The following MRM1 variants were observed in gnomAD, a reference collection of about 807,000 sequenced individuals.
MRM1 encodes mitochondrial rRNA methyltransferase 1, also known as rRNA methyltransferase 1, mitochondrial.
A neutral mutation model predicts 25.0 loss-of-function variants in MRM1; 24 were observed. The ratio of observed to expected loss-of-function variants is 0.96; its 90% confidence interval spans 0.69 to 1.35. The LOEUF is 1.35. MRM1 is among the 40% of genes most tolerant of loss of function. The probability of loss-of-function intolerance (pLI) is 0.00; values close to 1 mark genes in which losing one functional copy is unlikely to be tolerated. For missense variants in MRM1, 431 were observed against 464.1 expected, an observed-to-expected ratio of 0.93 and a Z score of 0.65; for synonymous variants, 188 against 199.2, an observed-to-expected ratio of 0.94 and a Z score of 0.47.
chr17:36,601,752 C>T lies in MRM1; in HGVS notation c.-59C>T. ...GGGAGCCTGGGAGCGAACTGCGGCG[C>T]GGGTTACCGCTCCCGGGGACGCAGC... On this transcript the variant is annotated 5_prime_UTR_variant, in exon 1 of 5. Transcript: ENST00000614766. 6.7e-7 allele frequency: 1 copy of T among 1,487,396 alleles called. No individual in the cohort carries two copies. Among genetic ancestry groups the T allele is most frequent in the Non-Finnish European group, 8.9e-7 (1 of 1,121,424 alleles). The allele number at this position is 1,487,396 out of a possible 1,614,324, so 92.1% of individuals were successfully genotyped here.
chr17:36,620,483 C>G, the MRM1 span, among the ~76,000 whole-genome samples: 1 of 152,142 alleles, frequency 6.6e-6, no homozygotes, highest in Non-Finnish European at 1.5e-5. Flanking sequence ...GTAGGAGGCC[C>G]AGGGAGGCAA....
At chr17:36,616,153 G>T in the MRM1 span, among the ~76,000 whole-genome samples, 3 of 152,282 alleles carry the variant, frequency 2.0e-5, no homozygotes, top group South Asian at 4.1e-4. Flanking sequence ...GTATTCCCAG[G>T]TCCCACCACA....
chr17:36,622,573 A>C, the MRM1 span, among the ~76,000 whole-genome samples: 1 of 134,098 alleles, frequency 7.5e-6, no homozygotes, highest in Admixed American at 7.0e-5. Context: ...CTCCGTCTCA[A>C]AAAAAAAAAA....
intron 2 of MRM1, among the ~76,000 whole-genome samples, chr17:36,606,730 C>T (rs1489968613): frequency 6.6e-6 from 1 of 151,678 alleles, no homozygotes; most frequent in African/African-American, 2.4e-5. Context: ...CCCTCAGACT[C>T]CCAAATAGCT....
At chr17:36,629,069 G>A in the MRM1 span, among the ~76,000 whole-genome samples, 3 of 152,140 alleles carry the variant, frequency 2.0e-5, no homozygotes, top group African/African-American at 7.2e-5. Flanking sequence ...GTTCTTTGAG[G>A]CTCTTGTTTA....
At chr17:36,625,459 C>CT in the MRM1 span, among the ~76,000 whole-genome samples, 16,036 of 87,172 alleles carry the variant, frequency 0.18, 1,518 homozygotes, top group Admixed American at 0.34. Flanking sequence ...TCTCCTCCTC[C>CT]TCCTTTTTTT....
Position 36,602,898 on chromosome 17 carries a change from A to G in MRM1, c.636+252A>G. 2.0e-6 allele frequency: 2 copies of G among 980,572 alleles called. No homozygotes were observed. The highest frequency in any genetic ancestry group is 2.4e-6 in the Non-Finnish European group (2 of 825,608). The allele number at this position is 980,572 out of a possible 1,614,324, so 60.7% of individuals were successfully genotyped here. On this transcript the variant is annotated intron_variant, in intron 2 of 4. Coordinates refer to ENST00000614766, the MANE Select transcript of MRM1 (RefSeq NM_024864.5). This position sits in a 1 kb window ranked among gnomAD's most constrained non-coding sequence, Gnocchi z 4.1. ...GTATGCACCACTTTGCCTCTTCTGT[A>G]AGTCAGCCTCAGTGTCTATTTGCCT...
the MRM1 span, among the ~76,000 whole-genome samples, chr17:36,629,285 ATGAC>A: frequency 2.6e-5 from 4 of 152,168 alleles, no homozygotes; most frequent in African/African-American, 7.2e-5. Context: ...GGTCTCTCCC[ATGAC>A]TGGAGGAAAA....
At chr17:36,628,496 G>T in the MRM1 span, among the ~76,000 whole-genome samples, 1 of 152,192 alleles carries the variant, frequency 6.6e-6, no homozygotes, top group South Asian at 2.1e-4. Flanking sequence ...CAGGTGGGTG[G>T]GAGTAGATGG....
At chr17:36,613,067 C>T (rs1400360735), downstream of MRM1, among the ~76,000 whole-genome samples, 4 of 151,938 alleles carry the variant, frequency 2.6e-5, no homozygotes, top group East Asian at 1.9e-4. Flanking sequence ...CCTGAGATGC[C>T]GAGATGGAAA....
the MRM1 span, among the ~76,000 whole-genome samples, chr17:36,614,489 C>G: frequency 6.6e-6 from 1 of 152,180 alleles, no homozygotes; most frequent in East Asian, 1.9e-4. Context: ...GACGAAGCAC[C>G]TGGAGCGGAT....
chr17:36,602,588 C>T lies in MRM1; in HGVS notation c.578C>T (p.Ala193Val), dbSNP rs1432948971. The change falls in exon 2 of 5, where the codon GCG (alanine) becomes GTG (valine). Residue 193 changes from alanine to valine, a missense_variant. Ala to Val is a moderately conservative substitution (Grantham distance 64). Coordinates refer to ENST00000614766, the MANE Select transcript of MRM1 (RefSeq NM_024864.5). This position sits in a 1 kb window ranked among gnomAD's most constrained non-coding sequence, Gnocchi z 4.1. ...PLTPVVSKSS[A>V]GAMEVMDVFS... ...ACTCCAGTAGTCAGCAAGTCCAGCGCGGGGGCTATGGAGGTGATGGACGTG... is the reference window on the plus strand; with the variant it reads ...ACTCCAGTAGTCAGCAAGTCCAGCGTGGGGGCTATGGAGGTGATGGACGTG... The T allele has an allele frequency of 1.9e-6, 3 of 1,614,044 alleles. No individual in the cohort carries two copies. Among genetic ancestry groups the T allele is most frequent in the Middle Eastern group, 1.6e-4 (1 of 6,084 alleles).
the MRM1 span, among the ~76,000 whole-genome samples, chr17:36,620,018 C>T: frequency 1.3e-4 from 20 of 152,064 alleles, no homozygotes; most frequent in African/African-American, 4.6e-4. Context: ...TCCATTCGTG[C>T]TCTTTGTTCA....
chr17:36,611,213 T>A (rs2074975104), downstream of MRM1, among the ~76,000 whole-genome samples: 1 of 152,240 alleles, frequency 6.6e-6, no homozygotes, highest in Non-Finnish European at 1.5e-5. Context: ...CTGCTTCCCA[T>A]GCACACCTGT....
the MRM1 span, among the ~76,000 whole-genome samples, chr17:36,615,590 C>T: frequency 2.7e-5 from 4 of 150,786 alleles, no homozygotes; most frequent in African/African-American, 9.8e-5. Context: ...ACCCAGTAGG[C>T]GGAGGTTACG....
At chr17:36,611,027 TG>T (rs1314520940), downstream of MRM1, among the ~76,000 whole-genome samples, 1 of 152,162 alleles carries the variant, frequency 6.6e-6, no homozygotes, top group Non-Finnish European at 1.5e-5. Flanking sequence ...TTGGCCAGGC[TG>T]GTCTCAAATT....
chr17:36,629,372 C>T, the MRM1 span, among the ~76,000 whole-genome samples: 1 of 152,188 alleles, frequency 6.6e-6, no homozygotes, highest in African/African-American at 2.4e-5. Context: ...TCCCCTTCTG[C>T]ACCCGGCCAC....
Position 36,608,025 on chromosome 17 carries a change from C to G in MRM1, c.889+7C>G, listed in dbSNP as rs1243941190. 1 of 1,613,730 alleles carries G rather than the reference C, an allele frequency of 6.2e-7. No individual in the cohort carries two copies. The highest frequency in any genetic ancestry group is 1.1e-5 in the South Asian group (1 of 91,018). ...AACGTCTCTGTGGCTGCAGGTGAGT[C>G]TACTCCCCTTTCCCTTTCCTCTATC... On this transcript the variant is annotated splice_region_variant and intron_variant, in intron 4 of 4. Coordinates refer to ENST00000614766, the MANE Select transcript of MRM1 (RefSeq NM_024864.5).
chr17:36,609,330 CAG>C (rs1302287898), downstream of MRM1, among the ~76,000 whole-genome samples: 8 of 152,228 alleles, frequency 5.3e-5, no homozygotes, highest in Non-Finnish European at 7.3e-5. Flanking sequence ...ACACTGACAC[CAG>C]AGAGTCTGAC....
Sources: allele counts gnomAD v4.1 joint callset (sites outside exome capture counted in the v4.1 genomes callset), GRCh38; gene constraint gnomAD v4.1.1; non-coding constraint Gnocchi (gnomAD v3.1); transcripts MANE v1.5; gene names NCBI Gene and HGNC (gene_info 2026-07-23, HGNC 2026-07-21).